TCF4: variants seen among roughly 807,000 people sequenced by gnomAD.
TCF4 encodes transcription factor 4.
In TCF4, 3 loss-of-function variants were observed where a neutral mutation model predicts 82.1. The observed-to-expected ratio is 0.04, with a 90% confidence interval of 0.02 to 0.09. The LOEUF is 0.09. Among genes scored for constraint, TCF4 ranks in the 10% least tolerant of loss-of-function variants. TCF4 has a pLI of 1.00. For synonymous variants in TCF4, 276 were observed against 309.6 expected (o/e 0.89, Z 1.14); for missense variants, 518 against 852.7 (o/e 0.61, Z 4.89).
At chr18:55,391,419 T>C (rs1427813249) in intron 6 of TCF4, among the ~76,000 whole-genome samples, 1 of 152,142 alleles carries the variant, frequency 6.6e-6, no homozygotes, top group East Asian at 1.9e-4. Flanking sequence ...TCTAAGACTT[T>C]AAATTCTGAT....
intron 5 of TCF4, among the ~76,000 whole-genome samples, chr18:55,415,632 A>G (rs2094500244): frequency 6.6e-6 from 1 of 152,190 alleles, no homozygotes; most frequent in African/African-American, 2.4e-5. Context: ...AACATACATA[A>G]GTACACTTTA....
chr18:55,321,278 T>C (rs1403232925), intron 8 of TCF4: 6 of 227,274 alleles, frequency 2.6e-5, no homozygotes, highest in Non-Finnish European at 4.4e-5. Context: ...TCAGCCTAAC[T>C]TGGGCTTTCT....
At chr18:55,529,573 T>C (rs2146680984) in intron 3 of TCF4, among the ~76,000 whole-genome samples, 1 of 152,260 alleles carries the variant, frequency 6.6e-6, no homozygotes, top group Admixed American at 6.5e-5. Flanking sequence ...AAAGGAATGA[T>C]ACAGTTAGCA....
At chr18:55,405,159 G>A (rs1190377428) in intron 5 of TCF4, among the ~76,000 whole-genome samples, 2 of 152,220 alleles carry the variant, frequency 1.3e-5, no homozygotes, top group African/African-American at 4.8e-5. Flanking sequence ...TCAAATTTAA[G>A]CTACTTATAC....
chr18:55,292,832 T>A (rs1486418552), intron 8 of TCF4, among the ~76,000 whole-genome samples: 4 of 151,536 alleles, frequency 2.6e-5, no homozygotes, highest in Non-Finnish European at 4.4e-5. Flanking sequence ...ACATTATACA[T>A]CTTTATACGT....
At chr18:55,406,559 T>C (rs866100726) in intron 5 of TCF4, among the ~76,000 whole-genome samples, 36 of 152,328 alleles carry the variant, frequency 2.4e-4, no homozygotes, top group Admixed American at 2.4e-3. Context: ...GATAATAAAA[T>C]TTTCAAGAGC....
chr18:55,494,233 G>T (rs1368051992), intron 3 of TCF4, among the ~76,000 whole-genome samples: 1 of 148,166 alleles, frequency 6.7e-6, no homozygotes, highest in East Asian at 2.0e-4. Context: ...AGCAATTTTA[G>T]TCAATACAAG....
At chr18:55,293,123 G>A (rs1469791327) in intron 8 of TCF4, among the ~76,000 whole-genome samples, 1 of 151,974 alleles carries the variant, frequency 6.6e-6, no homozygotes, top group Non-Finnish European at 1.5e-5. Context: ...TTTACATTAT[G>A]TGACTTTCAC....
intron 8 of TCF4, among the ~76,000 whole-genome samples, chr18:55,341,648 T>G (rs1174681796): frequency 6.6e-6 from 1 of 152,166 alleles, no homozygotes. Context: ...ACTATATTCA[T>G]TCACTGGAAA....
chr18:55,499,103 G>T (rs889393751), intron 3 of TCF4, among the ~76,000 whole-genome samples: 1 of 152,106 alleles, frequency 6.6e-6, no homozygotes, highest in African/African-American at 2.4e-5. Context: ...GTAATGAAAG[G>T]CACCCATTTA....
chr18:55,404,033 G>C lies in TCF4; in HGVS notation c.305-515C>G, dbSNP rs1343354771. 9 of 1,166,230 alleles carry C rather than the reference G, an allele frequency of 7.7e-6. No homozygotes were observed. The East Asian group carries it at 3.0e-4, about 39-fold the overall frequency. 72.2% of individuals were successfully genotyped at this position (1,166,230 alleles called of 1,614,324 possible). ...TCTTTTTTAAAAACTCCCTTTCCCA[G>C]GAGTGAACCCCATCATGATCAAGAT... On this transcript the variant is annotated intron_variant, in intron 5 of 19. Transcript: ENST00000354452.
At chr18:55,593,070 C>T (rs2097687308), upstream of TCF4, among the ~76,000 whole-genome samples, 1 of 152,144 alleles carries the variant, frequency 6.6e-6, no homozygotes, top group South Asian at 2.1e-4. Context: ...TCAACACTGT[C>T]ATTAACATTT....
chr18:55,580,776 G>A (rs1164055279), intron 3 of TCF4, among the ~76,000 whole-genome samples: 3 of 151,032 alleles, frequency 2.0e-5, no homozygotes, highest in Non-Finnish European at 3.0e-5. Context: ...GTGTGTGTGT[G>A]TGTATAGAAC....
chr18:55,618,752 A>ATT lies in TCF4; in HGVS notation c.286+12544_286+12545dup, dbSNP rs35018085. On this transcript the variant is annotated intron_variant, in intron 2 of 20. Coordinates refer to the TCF4 transcript ENST00000398339. The stretch of plus-strand genomic sequence containing the variant: ...ACATGACACCATGGCTGGCTAATTA[A>ATT]TTTTTTTTTTTTTTTGTAGAGACAG... Among the ~76,000 whole-genome samples, 630 of 147,724 alleles carry ATT rather than the reference A, an allele frequency of 4.3e-3. 3 individuals carry two copies. Among genetic ancestry groups the ATT allele is most frequent in the East Asian group, 0.036 (181 of 4,980 alleles).
Position 55,228,830 on chromosome 18 carries a change from G to A in TCF4, c.1879+17C>T. On this transcript the variant is annotated intron_variant, in intron 18 of 19. Transcript: ENST00000354452. ...AAGCTCCTCACGAGCTCTGCAAGGA[G>A]GCTGGCCTGCACTGACCTCGGACTT... 6.2e-7 allele frequency: 1 copy of A among 1,613,646 alleles called. No individual in the cohort carries two copies. Among genetic ancestry groups the A allele is most frequent in the East Asian group, 2.2e-5 (1 of 44,838 alleles).
chr18:55,322,181 G>A (rs1602610203), intron 8 of TCF4: 2 of 1,059,454 alleles, frequency 1.9e-6, no homozygotes, highest in Admixed American at 1.1e-4. Flanking sequence ...ACTGCCTTAG[G>A]GTAAAAGTGG....
intron 8 of TCF4, chr18:55,302,302 G>A (rs2068573455): frequency 1.1e-6 from 1 of 933,026 alleles, no homozygotes; most frequent in Non-Finnish European, 1.6e-6. Context: ...AGGGAAGACA[G>A]AAGTAGTGCA....
intron 8 of TCF4, among the ~76,000 whole-genome samples, chr18:55,300,754 T>C (rs1166174660): frequency 6.6e-6 from 1 of 151,946 alleles, no homozygotes; most frequent in Non-Finnish European, 1.5e-5. Flanking sequence ...TCCAATCCCC[T>C]GCTTGGCCCC....
chr18:55,288,727 T>C (rs2064305250), intron 8 of TCF4, among the ~76,000 whole-genome samples: 1 of 152,232 alleles, frequency 6.6e-6, no homozygotes, highest in Non-Finnish European at 1.5e-5. Flanking sequence ...GGACCATTCA[T>C]CTGTCTTCCA....
Sources: gnomAD v4.1 joint callset for allele counts (sites outside exome capture counted in the v4.1 genomes callset) on GRCh38, gnomAD v4.1.1 for gene constraint, MANE v1.5 for transcripts, NCBI Gene and HGNC (gene_info 2026-07-23, HGNC 2026-07-21) for gene names.